EIF5: variants seen among roughly 807,000 people sequenced by gnomAD.
The protein encoded by EIF5 is eukaryotic translation initiation factor 5.
A neutral mutation model predicts 48.3 loss-of-function variants in EIF5; 10 were observed. That is an observed-to-expected ratio of 0.21 (90% CI 0.13 to 0.35). The LOEUF is 0.35. EIF5 is among the 10% of genes least tolerant of loss of function. The pLI is 1.00. For missense variants in EIF5, 397 were observed against 533.2 expected, an observed-to-expected ratio of 0.74 and a Z score of 2.51; for synonymous variants, 237 against 173.1, an observed-to-expected ratio of 1.37 and a Z score of -2.90.
intron 10 of EIF5, among the ~76,000 whole-genome samples, chr14:103,340,168 C>T (rs747556630): frequency 1.2e-4 from 19 of 152,110 alleles, no homozygotes; most frequent in Non-Finnish European, 2.4e-4. Context: ...AGTATTGAGA[C>T]GGCTTTGAGA....
Position 103,337,275 on chromosome 14 carries a change from CTG to C in EIF5, c.439+50_439+51del, listed in dbSNP as rs1316634124. 2.7e-6 allele frequency: 4 copies of C among 1,478,102 alleles called. No individual in the cohort carries two copies. In the South Asian group the frequency reaches 4.8e-5, roughly 18 times the overall value. The allele number at this position is 1,478,102 out of a possible 1,614,324, so 91.6% of individuals were successfully genotyped here. A position where few individuals can be genotyped will look rare whatever the true frequency, so the allele number is the denominator to read the frequency against. ...CTAAGATCCTAAGATAAGTTACTAACTGTTGGGAACAAAATAGAAGGTTTTTT... is the reference window on the plus strand; with the variant it reads ...CTAAGATCCTAAGATAAGTTACTAACTTGGGAACAAAATAGAAGGTTTTTT... On this transcript the variant is annotated intron_variant, in intron 6 of 11. Coordinates refer to ENST00000216554, the MANE Select transcript of EIF5 (RefSeq NM_001969.5).
intron 10 of EIF5, 78 bp downstream of exon 10, chr14:103,339,881 CGG>C: frequency 6.7e-7 from 1 of 1,484,054 alleles, no homozygotes; most frequent in Non-Finnish European, 9.0e-7. Context: ...TTTTTGGAGA[CGG>C]AGTCTCATTC....
rs1448075045 is a variant in EIF5 at position 103,344,164 on chromosome 14, T to C, written c.*3112T>C. 3 of 152,244 alleles carry C rather than the reference T, an allele frequency of 2.0e-5. No individual in the cohort carries two copies. The highest frequency in any genetic ancestry group is 2.1e-4 in the South Asian group (1 of 4,832). The allele number at this position is 152,244 out of a possible 1,614,324, so 9.4% of individuals were successfully genotyped here. A position where few individuals can be genotyped will look rare whatever the true frequency, so the allele number is the denominator to read the frequency against. Reference sequence around the variant, plus strand: ...GGGGTGACAGCAAATGACTTGCAGGTAGTCTCATTGTAGGTTTGTGCACCA... The same window carrying C: ...GGGGTGACAGCAAATGACTTGCAGGCAGTCTCATTGTAGGTTTGTGCACCA... On this transcript the variant is annotated 3_prime_UTR_variant, in exon 12 of 12. Transcript: ENST00000216554.
rs769837077 is a variant in EIF5, at chr14:103,340,458, C to G, written c.1103C>G (p.Ala368Gly). ...ASKKYVSKEL[A>G]KEIRVKAEPF... ...AAGAAATATGTCTCCAAAGAACTTG[C>G]CAAAGAGATTCGTGTCAAAGCAGAA... Residue 368 changes from alanine to glycine, a missense_variant, in exon 11 of 12, where the codon GCC becomes GGC. Ala to Gly is a moderately conservative substitution (Grantham distance 60). Around this residue, in one of 4 missense-constraint regions of EIF5, gnomAD observed 160 missense variants for 184.8 expected, o/e 0.87. Transcript: ENST00000216554. 3.1e-6 allele frequency: 5 copies of G among 1,606,626 alleles called. No homozygotes were observed. Among genetic ancestry groups the G allele is most frequent in the Admixed American group, 3.3e-5 (2 of 59,920 alleles).
In EIF5 at chr14:103,342,551, A is replaced by G. The variant is rs1306066255; in HGVS notation, c.*1499A>G. Reference sequence around the variant, plus strand: ...CTGTTTTTTTGTGATTATTTCACAGATAATGAGACCTTAATAACAAATAGG... The same window carrying G: ...CTGTTTTTTTGTGATTATTTCACAGGTAATGAGACCTTAATAACAAATAGG... On this transcript the variant is annotated 3_prime_UTR_variant, in exon 12 of 12. Transcript: ENST00000216554. 1.3e-5 allele frequency: 2 copies of G among 152,318 alleles called. No individual in the cohort carries two copies. The highest frequency in any genetic ancestry group is 2.9e-5 in the Non-Finnish European group (2 of 68,038). 9.4% of individuals were successfully genotyped at this position (152,318 alleles called of 1,614,324 possible).
At chr14:103,337,549 C>G (rs2089301998) in intron 6 of EIF5, 1 of 370,582 alleles carries the variant, frequency 2.7e-6, no homozygotes. Context: ...TTGCACTGAG[C>G]TGAGATCGTG....
rs139943036 is a variant in EIF5, at chr14:103,339,419, T to C, written c.906+86T>C. 4.6e-3 allele frequency: 7,015 copies of C among 1,511,350 alleles called. 26 individuals are homozygous for C. Among genetic ancestry groups the C allele is most frequent in the Middle Eastern group, 6.9e-3 (38 of 5,546 alleles). 93.6% of individuals were successfully genotyped at this position (1,511,350 alleles called of 1,614,324 possible). ...ATATTAACCACTTTTGCTTGTCCTG[T>C]CATGCTTGAAAGTGGGGAAATTGAC... On this transcript the variant is annotated intron_variant, in intron 9 of 11. Transcript: ENST00000216554.
intron 4 of EIF5, 200 bp downstream of exon 4, chr14:103,336,317 C>A (rs1428268512): frequency 4.6e-6 from 3 of 647,226 alleles, no homozygotes; most frequent in African/African-American, 1.8e-5. Context: ...CGCGTTGGCT[C>A]ACACCTGTAA....
At chr14:103,339,129 AGT>A (rs1338950273) in intron 8 of EIF5, 41 bp from the exon 9 acceptor site, 1 of 1,569,854 alleles carries the variant, frequency 6.4e-7, no homozygotes, top group Non-Finnish European at 8.6e-7. Context: ...AGCCTGGCAA[AGT>A]GTGCCTCCAT....
rs1566723525 is a variant in EIF5, at chr14:103,340,953, CTCT to C, written c.1207-8_1207-6del. 10 of 1,612,214 alleles carry C rather than the reference CTCT, an allele frequency of 6.2e-6. No homozygotes were observed. The South Asian group carries it at 1.1e-4, about 18-fold the overall frequency. ...CAGCTTATGTTGAATAAAATCATTC[CTCT>C]TAACAGGTGGTGTATTCGAAGGCTG... On this transcript the variant is annotated splice_region_variant and splice_polypyrimidine_tract_variant and intron_variant, in intron 11 of 11. Transcript: ENST00000216554.
intron 6 of EIF5, chr14:103,337,969 AAC>A (rs747027417): frequency 1.9e-6 from 1 of 540,408 alleles, no homozygotes; most frequent in African/African-American, 1.9e-5. Flanking sequence ...TATAGACTTA[AAC>A]AGTGTTCCAC....
Position 103,341,105 on chromosome 14 carries a change from T to A in EIF5, c.*53T>A, listed in dbSNP as rs1137372. On this transcript the variant is annotated 3_prime_UTR_variant, in exon 12 of 12. Coordinates refer to ENST00000216554, the MANE Select transcript of EIF5 (RefSeq NM_001969.5). Reference sequence around the variant, plus strand: ...TATAATGCTGCAAATTTTCCTCCATTATCAGCCAGAAGTGCAACATGTATG... The same window carrying A: ...TATAATGCTGCAAATTTTCCTCCATAATCAGCCAGAAGTGCAACATGTATG... 51,364 of 1,559,052 alleles carry A rather than the reference T, an allele frequency of 0.033. 936 individuals are homozygous for A. Among genetic ancestry groups the A allele is most frequent in the African/African-American group, 0.054 (4,019 of 73,964 alleles).
intron 9 of EIF5, 132 bp from the exon 10 acceptor site, chr14:103,339,507 A>G: frequency 2.8e-6 from 4 of 1,432,074 alleles, no homozygotes; most frequent in Non-Finnish European, 3.8e-6. Context: ...AGTAACAGGG[A>G]TGTTTATGCA....
Position 103,341,162 on chromosome 14 carries a change from A to G in EIF5, c.*110A>G, listed in dbSNP as rs1452109509. The G allele has an allele frequency of 2.0e-5, 18 of 895,222 alleles. No homozygotes were observed. The highest frequency in any genetic ancestry group is 2.2e-5 in the Non-Finnish European group (12 of 556,840). The allele number at this position is 895,222 out of a possible 1,614,324, so 55.5% of individuals were successfully genotyped here. Reference sequence around the variant, plus strand: ...AGCTAAAATGGCTTAACATCATGCTACACTTTACACTAAAAATCTATTACT... The same window carrying G: ...AGCTAAAATGGCTTAACATCATGCTGCACTTTACACTAAAAATCTATTACT... On this transcript the variant is annotated 3_prime_UTR_variant, in exon 12 of 12. Transcript: ENST00000216554.
At position 103,339,624 on chromosome 14, in the gene EIF5, G is replaced by A. The variant is rs768280061; in HGVS notation, c.907-15G>A. The A allele has an allele frequency of 3.1e-6, 5 of 1,614,012 alleles. 1 individual carries two copies. The highest frequency in any genetic ancestry group is 3.3e-5 in the Admixed American group (2 of 60,012). On this transcript the variant is annotated splice_polypyrimidine_tract_variant and intron_variant, in intron 9 of 11. Transcript: ENST00000216554. ...ACATAAAAAAGATTGTTAACACCAAGGTGTCTATTTGCAGTTTTGTCACAA... is the reference window on the plus strand; with the variant it reads ...ACATAAAAAAGATTGTTAACACCAAAGTGTCTATTTGCAGTTTTGTCACAA...
rs1004139605 is a variant in EIF5 at position 103,343,280 on chromosome 14, G to A, written c.*2228G>A. 3 of 152,222 alleles carry A rather than the reference G, an allele frequency of 2.0e-5. No individual in the cohort carries two copies. The highest frequency in any genetic ancestry group is 7.2e-5 in the African/African-American group (3 of 41,428). 9.4% of individuals were successfully genotyped at this position (152,222 alleles called of 1,614,324 possible). Reference sequence around the variant, plus strand: ...CCGTTGCTTTGGATTTGTGTTGGATGTATCCTGCAGTTACACTTGCCAGCC... The same window carrying A: ...CCGTTGCTTTGGATTTGTGTTGGATATATCCTGCAGTTACACTTGCCAGCC... On this transcript the variant is annotated 3_prime_UTR_variant, in exon 12 of 12. Transcript: ENST00000216554.
chr14:103,335,568 T>G, intron 2 of EIF5, 85 bp from the exon 3 acceptor site: 1 of 478,902 alleles, frequency 2.1e-6, no homozygotes, highest in South Asian at 2.6e-5. Flanking sequence ...GAAGCATAAC[T>G]AGGATGTAAA....
At position 103,335,802 on chromosome 14, in the gene EIF5, C is replaced by G. The variant is rs1595362014; in HGVS notation, c.-59C>G. On this transcript the variant is annotated 5_prime_UTR_variant, in exon 3 of 12. Transcript: ENST00000216554. ...TCCCTTCTTCTCCAGACAGAAGATA[C>G]CAAAAAGTTGCAATCAAAGATCTCT... is the stretch of plus-strand genomic sequence containing the variant. 2 of 1,504,488 alleles carry G rather than the reference C, an allele frequency of 1.3e-6. No homozygotes were observed. Among genetic ancestry groups the G allele is most frequent in the East Asian group, 2.4e-5 (1 of 41,328 alleles). 93.2% of individuals were successfully genotyped at this position (1,504,488 alleles called of 1,614,324 possible).
Position 103,339,167 on chromosome 14 carries a change from T to C in EIF5, c.745-5T>C. ...TGCACTGAATTGTTTTCCTTTTCTT[T>C]GCAGAAAAAGAAAGAAGAGGGTGTT... On this transcript the variant is annotated splice_region_variant and splice_polypyrimidine_tract_variant and intron_variant, in intron 8 of 11. Coordinates refer to ENST00000216554, the MANE Select transcript of EIF5 (RefSeq NM_001969.5). 1 of 1,599,546 alleles carries C rather than the reference T, an allele frequency of 6.3e-7. No homozygotes were observed. Among genetic ancestry groups the C allele is most frequent in the Non-Finnish European group, 8.5e-7 (1 of 1,176,166 alleles).
Sources: allele counts gnomAD v4.1 joint callset (sites outside exome capture counted in the v4.1 genomes callset), GRCh38; gene constraint gnomAD v4.1.1; regional missense constraint gnomAD v4.1.1; transcripts MANE v1.5; gene names NCBI Gene and HGNC (gene_info 2026-07-23, HGNC 2026-07-21).